The following NBEA variants were observed in gnomAD, a reference collection of about 807,000 sequenced individuals.
NBEA encodes the protein lysosomal-trafficking regulator 2.
A neutral mutation model predicts 343.4 loss-of-function variants in NBEA; 44 were observed. That is an observed-to-expected ratio of 0.13 (90% CI 0.10 to 0.16). The LOEUF (loss-of-function observed/expected upper bound fraction) is 0.16. NBEA is among the 10% of genes least tolerant of loss of function. NBEA has a pLI of 1.00. For synonymous variants in NBEA, 1,175 were observed against 1,238.7 expected, an observed-to-expected ratio of 0.95 and a Z score of 1.08; for missense variants, 2,555 against 3,631.3, an observed-to-expected ratio of 0.70 and a Z score of 7.62.
intron 17 of NBEA, among the ~76,000 whole-genome samples, chr13:35,137,750 A>G (rs1053149649): frequency 6.6e-6 from 1 of 152,060 alleles, no homozygotes; most frequent in African/African-American, 2.4e-5. Flanking sequence ...GTTTCCCTAC[A>G]GTTTATGAAT....
rs2066911124 is a variant in NBEA at position 35,123,483 on chromosome 13, G to A, written c.2245G>A (p.Val749Met). 6.7e-7 allele frequency: 1 copy of A among 1,485,496 alleles called. No homozygotes were observed. The allele number at this position is 1,485,496 out of a possible 1,614,324, so 92.0% of individuals were successfully genotyped here. A position where few individuals can be genotyped will look rare whatever the true frequency, so the allele number is the denominator to read the frequency against. Reference protein sequence around the residue: ...PAFDQRNGIRVIYKLLASKSE... With the variant: ...PAFDQRNGIRMIYKLLASKSE... The stretch of plus-strand genomic sequence containing the variant: ...AAAGATAATTTATATATTTTGTAGG[G>A]TGATCTACAAATTATTGGCTTCTAA... Residue 749 changes from valine (V) to methionine (M), a missense_variant and splice_region_variant, in exon 17 of 59, where the codon GTG becomes ATG. Val to Met is a conservative substitution (Grantham distance 21). Coordinates refer to ENST00000379939, the MANE Select transcript of NBEA (RefSeq NM_001385012.1).
At chr13:35,319,223 T>C (rs929023834) in intron 36 of NBEA, among the ~76,000 whole-genome samples, 6 of 152,186 alleles carry the variant, frequency 3.9e-5, no homozygotes, top group African/African-American at 1.4e-4. Flanking sequence ...CCGCTTTCCA[T>C]TGTGGGCATT....
intron 41 of NBEA, among the ~76,000 whole-genome samples, chr13:35,514,531 A>G (rs1049558549): frequency 2.0e-5 from 3 of 152,106 alleles, no homozygotes; most frequent in African/African-American, 7.2e-5. Flanking sequence ...TGAACTCTTG[A>G]TGCAAAAGCC....
chr13:35,063,567 G>A (rs2063541499), intron 8 of NBEA, among the ~76,000 whole-genome samples: 1 of 152,006 alleles, frequency 6.6e-6, no homozygotes, highest in South Asian at 2.1e-4. Context: ...TTAATTCAGA[G>A]AACAATTACA....
chr13:35,138,122 C>T (rs947429695), intron 17 of NBEA, among the ~76,000 whole-genome samples: 4 of 152,044 alleles, frequency 2.6e-5, no homozygotes, highest in Non-Finnish European at 5.9e-5. Context: ...TAGAAAGTTT[C>T]AATTGATCAG....
chr13:35,476,352 TG>T (rs2075871128), intron 41 of NBEA: 2 of 1,207,676 alleles, frequency 1.7e-6, no homozygotes, highest in Non-Finnish European at 2.4e-6. Context: ...CTGCTGCTGC[TG>T]CTTTTCCCTT....
intron 1 of NBEA, among the ~76,000 whole-genome samples, chr13:34,980,846 A>G (rs375230928): frequency 1.3e-5 from 2 of 152,124 alleles, no homozygotes; most frequent in African/African-American, 4.8e-5. Flanking sequence ...ATTTTTCTAC[A>G]TTGATTGAAG....
At chr13:35,479,157 G>T (rs1455265334) in intron 41 of NBEA, among the ~76,000 whole-genome samples, 1 of 152,248 alleles carries the variant, frequency 6.6e-6, no homozygotes, top group African/African-American at 2.4e-5. Flanking sequence ...GTTCAGGAAA[G>T]TGAAGTCATT....
intron 4 of NBEA, among the ~76,000 whole-genome samples, chr13:35,045,899 T>C (rs1433570766): frequency 1.3e-5 from 2 of 151,954 alleles, no homozygotes; most frequent in Non-Finnish European, 2.9e-5. Flanking sequence ...AGCTAATTTT[T>C]GTATTTTTAG....
In NBEA at chr13:35,017,338, G is replaced by A. The variant is rs188473389; in HGVS notation, c.295-23595G>A. ...TTCCGTTGGGTACTGAGAGTGCTGA[G>A]ACCTACCTGTGGGTAAATGTGTGTT... On this transcript the variant is annotated intron_variant, in intron 1 of 58. Transcript: ENST00000379939. 7.4e-3 allele frequency among the ~76,000 whole-genome samples: 1,129 copies of A among 152,306 alleles called. 13 individuals carry two copies. The highest frequency in any genetic ancestry group is 0.026 in the African/African-American group (1,068 of 41,564).
At chr13:35,508,232 A>C (rs944354233) in intron 41 of NBEA, among the ~76,000 whole-genome samples, 1 of 152,104 alleles carries the variant, frequency 6.6e-6, no homozygotes, top group Admixed American at 6.5e-5. Flanking sequence ...AACATGATAC[A>C]CTCAAGGATT....
intron 9 of NBEA, among the ~76,000 whole-genome samples, chr13:35,070,392 C>T (rs907074207): frequency 1.3e-5 from 2 of 152,010 alleles, no homozygotes; most frequent in African/African-American, 2.4e-5. Context: ...TAAAAACATA[C>T]TTTGCTTTAA....
chr13:35,323,258 T>C (rs2038293932), intron 36 of NBEA, among the ~76,000 whole-genome samples: 1 of 152,056 alleles, frequency 6.6e-6, no homozygotes, highest in Non-Finnish European at 1.5e-5. Context: ...TAAAGACACA[T>C]GCACACGTAT....
chr13:35,509,524 A>C (rs138861649), intron 41 of NBEA, among the ~76,000 whole-genome samples: 4,200 of 152,316 alleles, frequency 0.028, 72 homozygotes, highest in African/African-American at 0.048. Context: ...CTAAGAGCCC[A>C]GTCTGCTAGG....
chr13:35,240,058 C>T (rs1337831845), intron 34 of NBEA, among the ~76,000 whole-genome samples: 1 of 146,600 alleles, frequency 6.8e-6, no homozygotes, highest in East Asian at 2.3e-4. Context: ...TGGCAAAAAT[C>T]GCAATTACTT....
intron 18 of NBEA, among the ~76,000 whole-genome samples, chr13:35,146,009 T>C (rs559499370): frequency 6.6e-6 from 1 of 152,300 alleles, no homozygotes; most frequent in East Asian, 1.9e-4. Context: ...TTTTTGTCTT[T>C]TAAAGAGATG....
intron 45 of NBEA, among the ~76,000 whole-genome samples, chr13:35,576,427 A>G (rs1186824800): frequency 3.3e-5 from 5 of 152,138 alleles, no homozygotes; most frequent in African/African-American, 1.2e-4. Context: ...AATAATAGAA[A>G]TTTATATTTG....
At chr13:35,037,529 A>T (rs2062489970) in intron 1 of NBEA, among the ~76,000 whole-genome samples, 1 of 152,162 alleles carries the variant, frequency 6.6e-6, no homozygotes, top group Non-Finnish European at 1.5e-5. Context: ...GAGCTTATTT[A>T]TAGCCACCCT....
intron 41 of NBEA, among the ~76,000 whole-genome samples, chr13:35,549,981 A>G (rs1005106836): frequency 2.0e-5 from 3 of 152,230 alleles, no homozygotes; most frequent in East Asian, 3.8e-4. Context: ...AGTAGTTGCA[A>G]CTGAGACCAT....
Sources: allele counts gnomAD v4.1 joint callset (sites outside exome capture counted in the v4.1 genomes callset), GRCh38; gene constraint gnomAD v4.1.1; transcripts MANE v1.5; gene names NCBI Gene and HGNC (gene_info 2026-07-23, HGNC 2026-07-21).